The following LRMDA variants were observed in gnomAD, a reference collection of about 807,000 sequenced individuals.
LRMDA encodes leucine rich melanocyte differentiation associated.
In LRMDA, 18 loss-of-function variants were observed where a neutral mutation model predicts 29.8. The ratio of observed to expected loss-of-function variants is 0.60; its 90% CI spans 0.42 to 0.90. The LOEUF (loss-of-function observed/expected upper bound fraction) is 0.90. LRMDA is among the 40% of genes least tolerant of loss of function. The pLI is 0.00. For synonymous variants in LRMDA, 125 were observed against 109.4 expected (o/e 1.14, Z -0.89); for missense variants, 273 against 273.9 (o/e 1.00, Z 0.02).
chr10:75,664,195 C>A (rs1476712433), intron 2 of LRMDA, among the ~76,000 whole-genome samples: 1 of 152,196 alleles, frequency 6.6e-6, no homozygotes, highest in Non-Finnish European at 1.5e-5. Context: ...CTCAACCAGT[C>A]CTGCCTGTCT....
intron 2 of LRMDA, among the ~76,000 whole-genome samples, chr10:75,789,575 A>C (rs139561429): frequency 4.6e-5 from 7 of 152,226 alleles, no homozygotes; most frequent in Non-Finnish European, 7.3e-5. Flanking sequence ...CTAATTCATA[A>C]GTGTATATTA....
chr10:75,579,997 T>G (rs1385607131), intron 2 of LRMDA, among the ~76,000 whole-genome samples: 1 of 152,218 alleles, frequency 6.6e-6, no homozygotes. Flanking sequence ...AAGCATTCCC[T>G]TTCAAAACCA....
At chr10:76,126,547 A>G (rs1849887304) in intron 5 of LRMDA, among the ~76,000 whole-genome samples, 1 of 152,190 alleles carries the variant, frequency 6.6e-6, no homozygotes, top group Non-Finnish European at 1.5e-5. Context: ...TCATCCAGCC[A>G]ATTGTTTCCC....
At chr10:76,526,977 A>G (rs1029060213) in intron 6 of LRMDA, among the ~76,000 whole-genome samples, 1 of 121,512 alleles carries the variant, frequency 8.2e-6, no homozygotes, top group Non-Finnish European at 1.7e-5. Flanking sequence ...AAAGTATAAT[A>G]AAATAAATAA....
intron 2 of LRMDA, among the ~76,000 whole-genome samples, chr10:75,828,723 G>GT (rs1164658848): frequency 1.3e-5 from 2 of 152,134 alleles, no homozygotes; most frequent in Non-Finnish European, 2.9e-5. Flanking sequence ...AAATATAGCG[G>GT]TACGTGTTAT....
chr10:75,448,452 G>A (rs1321111029), intron 2 of LRMDA, among the ~76,000 whole-genome samples: 1 of 152,286 alleles, frequency 6.6e-6, no homozygotes, highest in East Asian at 1.9e-4. Flanking sequence ...TGGCTGTTAG[G>A]AGCAGTGGTG....
intron 5 of LRMDA, among the ~76,000 whole-genome samples, chr10:76,096,218 CTT>C (rs1193561445): frequency 6.6e-6 from 1 of 152,014 alleles, no homozygotes; most frequent in East Asian, 1.9e-4. Flanking sequence ...AAGATTTTCT[CTT>C]GTTTTATTTT....
chr10:75,870,374 T>G (rs370607180), intron 2 of LRMDA, among the ~76,000 whole-genome samples: 777 of 63,660 alleles, frequency 0.012, 3 homozygotes, highest in African/African-American at 0.044. Flanking sequence ...TTCTCTGCAT[T>G]TAGAAACATG....
chr10:75,544,573 C>G (rs1463120720), intron 2 of LRMDA, among the ~76,000 whole-genome samples: 2 of 152,136 alleles, frequency 1.3e-5, no homozygotes, highest in African/African-American at 2.4e-5. Flanking sequence ...TGCATGATCC[C>G]AGCTGTCAAA....
chr10:76,047,299 T>C lies in LRMDA; in HGVS notation c.394T>C (p.Tyr132His), dbSNP rs781205624. The part of the protein sequence containing the change: ...LEKDEEDYKR[Y>H]RCFVLYKLPN... The stretch of plus-strand genomic sequence containing the variant: ...AAAGGATGAGGAAGACTACAAGAGA[T>C]ACAGGTGAGTGTCCAGGGGTTGGAC... Residue 132 changes from tyrosine (Y) to histidine (H), a missense_variant, in exon 4 of 7, where the codon TAC becomes CAC. By Grantham distance (83) the Tyr-to-His change is moderately conservative (BLOSUM62 2). Transcript: ENST00000611255. The C allele has an allele frequency of 5.6e-6, 9 of 1,608,964 alleles. No homozygotes were observed. The highest frequency in any genetic ancestry group is 3.3e-5 in the South Asian group (3 of 90,390).
intron 2 of LRMDA, among the ~76,000 whole-genome samples, chr10:75,665,749 C>G (rs771280973): frequency 6.6e-6 from 1 of 152,156 alleles, no homozygotes; most frequent in Non-Finnish European, 1.5e-5. Flanking sequence ...CTAGTGCATC[C>G]TTCTAGCTTA....
At chr10:75,624,827 G>C (rs1429541591) in intron 2 of LRMDA, among the ~76,000 whole-genome samples, 1 of 152,154 alleles carries the variant, frequency 6.6e-6, no homozygotes, top group Non-Finnish European at 1.5e-5. Flanking sequence ...CAGTTCAGTG[G>C]AGTAATAATG....
chr10:75,892,067 C>T (rs768600920), intron 2 of LRMDA, among the ~76,000 whole-genome samples: 11 of 152,226 alleles, frequency 7.2e-5, no homozygotes, highest in Non-Finnish European at 1.3e-4. Context: ...AGGGAATTAG[C>T]GTGACAGTGA....
chr10:76,324,357 G>A, intron 5 of LRMDA, 44 bp from the exon 6 acceptor site: 1 of 1,515,330 alleles, frequency 6.6e-7, no homozygotes, highest in Non-Finnish European at 9.2e-7. Flanking sequence ...TTTGGTATTT[G>A]GTGTTTGGTG....
chr10:76,114,729 A>C (rs534266916), intron 5 of LRMDA, among the ~76,000 whole-genome samples: 1 of 152,258 alleles, frequency 6.6e-6, no homozygotes, highest in African/African-American at 2.4e-5. Flanking sequence ...GATGTTGATA[A>C]AATATTTGTT....
intron 2 of LRMDA, among the ~76,000 whole-genome samples, chr10:75,589,805 C>G (rs1840700769): frequency 6.6e-6 from 1 of 150,658 alleles, no homozygotes. Flanking sequence ...TTTTGGAGCT[C>G]TTTGTGTATA....
At chr10:76,518,312 TATCTA>T (rs1353523966) in intron 6 of LRMDA, among the ~76,000 whole-genome samples, 1 of 151,472 alleles carries the variant, frequency 6.6e-6, no homozygotes, top group African/African-American at 2.4e-5. Flanking sequence ...TCTATCTATC[TATCTA>T]TCTATCTATC....
At chr10:75,695,225 A>T (rs4745791) in intron 2 of LRMDA, among the ~76,000 whole-genome samples, 5,732 of 152,100 alleles carry the variant, frequency 0.038, 275 homozygotes, top group African/African-American at 0.11. Context: ...TGGTTTTTTA[A>T]AAAAAATAAC....
chr10:75,638,847 A>G (rs1341273771), intron 2 of LRMDA, among the ~76,000 whole-genome samples: 1 of 152,222 alleles, frequency 6.6e-6, no homozygotes, highest in Non-Finnish European at 1.5e-5. Context: ...ATTGGGTATT[A>G]TAAATCAAGA....
Sources: allele counts gnomAD v4.1 joint callset (sites outside exome capture counted in the v4.1 genomes callset), GRCh38; gene constraint gnomAD v4.1.1; transcripts MANE v1.5; gene names NCBI Gene and HGNC (gene_info 2026-07-23, HGNC 2026-07-21).